Variants in SULT4A1 observed in about 807,000 individuals in gnomAD.
The protein encoded by SULT4A1 is sulfotransferase family 4A member 1, also known as sulfotransferase 4A1.
In SULT4A1, 11 loss-of-function variants were observed where a neutral mutation model predicts 35.2. That is an observed-to-expected ratio of 0.31 (90% confidence interval 0.20 to 0.52). SULT4A1 has a LOEUF of 0.52. SULT4A1 is among the 20% of genes least tolerant of loss of function. SULT4A1 has a pLI of 0.97. For synonymous variants in SULT4A1, 152 were observed against 151.8 expected, an observed-to-expected ratio of 1.00 and a Z score of -0.01; for missense variants, 271 against 383.7, an observed-to-expected ratio of 0.71 and a Z score of 2.45.
chr22:43,832,386 C>T (rs1001444642), intron 5 of SULT4A1, among the ~76,000 whole-genome samples: 3 of 152,124 alleles, frequency 2.0e-5, no homozygotes, highest in East Asian at 1.9e-4. Flanking sequence ...TGTGGGGAAC[C>T]GACAGCATGC....
intron 1 of SULT4A1, among the ~76,000 whole-genome samples, chr22:43,845,514 C>A (rs2063469291): frequency 6.6e-6 from 1 of 152,130 alleles, no homozygotes. Context: ...GCCCCGCCGA[C>A]CCTGCCGTCG....
chr22:43,847,809 G>A (rs76834506), intron 1 of SULT4A1, among the ~76,000 whole-genome samples: 2,342 of 152,340 alleles, frequency 0.015, 62 homozygotes, highest in African/African-American at 0.054. Context: ...GCCTGGCTGG[G>A]GCAAGCCCTG....
In SULT4A1 at chr22:43,831,033, G is replaced by A. The variant is rs117805677; in HGVS notation, c.604-1835C>T. Among the ~76,000 whole-genome samples the A allele has an allele frequency of 4.1e-3, 622 of 152,320 alleles. 4 individuals are homozygous for A. Among genetic ancestry groups the A allele is most frequent in the Non-Finnish European group, 6.5e-3 (444 of 68,026 alleles). On this transcript the variant is annotated intron_variant, in intron 5 of 6. Transcript: ENST00000330884. ...CGCTGACTGTCCCAGGGATGCCATT[G>A]AGTCACAGACCGGCTTTGATAGAAA...
In SULT4A1 at chr22:43,854,138, A is replaced by G. The variant is rs144793507; in HGVS notation, c.169+8076T>C. Among the ~76,000 whole-genome samples the G allele has an allele frequency of 5.7e-3, 863 of 152,280 alleles. 7 individuals carry two copies. Among genetic ancestry groups the G allele is most frequent in the African/African-American group, 0.019 (804 of 41,552 alleles). ...AGTGGTGATGATGGTGCGGACAACA[A>G]TGGCAGACAGGGCAATGACCCCAAC... On this transcript the variant is annotated intron_variant, in intron 1 of 6. Coordinates refer to ENST00000330884, the MANE Select transcript of SULT4A1 (RefSeq NM_014351.4).
At chr22:43,827,743 G>T in intron 6 of SULT4A1, 1 of 694,102 alleles carries the variant, frequency 1.4e-6, no homozygotes, top group Non-Finnish European at 2.2e-6. Context: ...GTATGTTCTC[G>T]ACGCTGCTTC....
chr22:43,842,679 C>A, intron 1 of SULT4A1, among the ~76,000 whole-genome samples: 1 of 152,162 alleles, frequency 6.6e-6, no homozygotes, highest in East Asian at 1.9e-4. Flanking sequence ...GGGTACAATC[C>A]TGTATGTCCC....
At chr22:43,862,171 G>A (rs770581680) in intron 1 of SULT4A1, 43 bp downstream of exon 1, 2 of 1,488,062 alleles carry the variant, frequency 1.3e-6, no homozygotes, top group African/African-American at 1.5e-5. Flanking sequence ...CGCGCTGCAG[G>A]GCTGGGGCAT....
chr22:43,849,066 G>T (rs2063494339), intron 1 of SULT4A1, among the ~76,000 whole-genome samples: 1 of 152,196 alleles, frequency 6.6e-6, no homozygotes, highest in Non-Finnish European at 1.5e-5. Context: ...GACTTGGGTC[G>T]AGGCCTGTGG....
intron 6 of SULT4A1, 144 bp from the exon 7 acceptor site, chr22:43,826,257 G>A (rs566695913): frequency 4.9e-5 from 71 of 1,456,892 alleles, no homozygotes; most frequent in African/African-American, 2.6e-4. Context: ...AGGAAGGGCC[G>A]TCTGAGCTAC....
At chr22:43,859,292 T>C (rs373500267) in intron 1 of SULT4A1, among the ~76,000 whole-genome samples, 1 of 152,216 alleles carries the variant, frequency 6.6e-6, no homozygotes, top group African/African-American at 2.4e-5. Flanking sequence ...ATGAGCAAAC[T>C]GAGGTTCAAA....
intron 5 of SULT4A1, among the ~76,000 whole-genome samples, chr22:43,831,231 A>G (rs775200160): frequency 1.3e-5 from 2 of 152,170 alleles, no homozygotes; most frequent in Non-Finnish European, 2.9e-5. Context: ...TTTGGACCTT[A>G]AAACTTCAGT....
At chr22:43,826,254 G>A in intron 6 of SULT4A1, 141 bp from the exon 7 acceptor site, 1 of 1,460,252 alleles carries the variant, frequency 6.8e-7, no homozygotes. Flanking sequence ...GGCAGGAAGG[G>A]CCGTCTGAGC....
intron 1 of SULT4A1, 58 bp from the exon 2 acceptor site, chr22:43,841,990 G>C (rs1294999938): frequency 6.4e-7 from 1 of 1,573,224 alleles, no homozygotes; most frequent in African/African-American, 1.3e-5. Context: ...GCCCGGCCCT[G>C]TGCTCGGGTC....
At chr22:43,827,643 A>G (rs774018921) in intron 6 of SULT4A1, 2 of 1,366,330 alleles carry the variant, frequency 1.5e-6, no homozygotes, top group East Asian at 4.6e-5. Context: ...GCAATGTGCT[A>G]AAAGAAAACA....
In SULT4A1 at chr22:43,825,355, G is replaced by T. The variant is rs2063279470; in HGVS notation, c.*646C>A. On this transcript the variant is annotated 3_prime_UTR_variant, in exon 7 of 7. Coordinates refer to ENST00000330884, the MANE Select transcript of SULT4A1 (RefSeq NM_014351.4). The stretch of plus-strand genomic sequence containing the variant: ...GGGCCTTTGGAGCCGCCCGCTGGAA[G>T]TCTCTGGCAGAAGGACGTCCATTCT... 1 of 152,240 alleles carries T rather than the reference G, an allele frequency of 6.6e-6. No individual in the cohort carries two copies. The highest frequency in any genetic ancestry group is 1.5e-5 in the Non-Finnish European group (1 of 68,078). The allele number at this position is 152,240 out of a possible 1,614,324, so 9.4% of individuals were successfully genotyped here. A position where few individuals can be genotyped will look rare whatever the true frequency, so the allele number is the denominator to read the frequency against.
At chr22:43,832,511 T>G (rs2063332469) in intron 5 of SULT4A1, among the ~76,000 whole-genome samples, 1 of 152,078 alleles carries the variant, frequency 6.6e-6, no homozygotes, top group Non-Finnish European at 1.5e-5. Context: ...CCCCAGTGTG[T>G]GAGCACAAAG....
intron 1 of SULT4A1, among the ~76,000 whole-genome samples, chr22:43,853,420 C>T (rs1359077532): frequency 6.6e-6 from 1 of 152,194 alleles, no homozygotes; most frequent in Non-Finnish European, 1.5e-5. Context: ...GCCATCCCCA[C>T]CCCACCCCTG....
intron 4 of SULT4A1, among the ~76,000 whole-genome samples, chr22:43,835,412 G>A (rs1040139256): frequency 1.3e-5 from 2 of 152,248 alleles, no homozygotes; most frequent in Non-Finnish European, 2.9e-5. Flanking sequence ...GCAGCAGGAA[G>A]CAGCCCAGCT....
rs10427823 is a variant in SULT4A1, at chr22:43,828,845, C to T, written c.742+215G>A. On this transcript the variant is annotated intron_variant, in intron 6 of 6. Transcript: ENST00000330884. ...AAACACTGTTTGCTTGGAGGCAATG[C>T]AAACACCAGCGGGCAGGGTACTCCG... 9.0e-3 allele frequency: 4,340 copies of T among 483,396 alleles called. 171 individuals carry two copies. Among genetic ancestry groups the T allele is most frequent in the African/African-American group, 0.08 (3,991 of 49,854 alleles). 29.9% of individuals were successfully genotyped at this position (483,396 alleles called of 1,614,324 possible).
Sources: allele counts gnomAD v4.1 joint callset (sites outside exome capture counted in the v4.1 genomes callset), GRCh38; gene constraint gnomAD v4.1.1; transcripts MANE v1.5; gene names NCBI Gene and HGNC (gene_info 2026-07-23, HGNC 2026-07-21).